Variants in PES1 observed in about 807,000 individuals in gnomAD.
PES1 encodes pescadillo ribosomal biogenesis factor 1, also known as pescadillo homolog.
PES1 carries 31 observed loss-of-function variants against 77.1 expected under a neutral mutation model. The ratio of observed to expected loss-of-function variants is 0.40; its 90% CI spans 0.30 to 0.54. The LOEUF (loss-of-function observed/expected upper bound fraction) is 0.54, where lower values mean the gene tolerates loss of function less well. Among genes scored for constraint, PES1 ranks in the 20% least tolerant of loss-of-function variants. PES1 has a pLI of 0.45. For synonymous variants in PES1, 282 were observed against 303.0 expected, an observed-to-expected ratio of 0.93 and a Z score of 0.72; for missense variants, 658 against 771.7, an observed-to-expected ratio of 0.85 and a Z score of 1.75.
At position 30,587,278 on chromosome 22, in the gene PES1, C is replaced by A. The variant is rs772464884; in HGVS notation, c.368+8G>T. 6.3e-7 allele frequency: 1 copy of A among 1,589,362 alleles called. No individual in the cohort carries two copies. Among genetic ancestry groups the A allele is most frequent in the Non-Finnish European group, 8.6e-7 (1 of 1,158,294 alleles). ...AAACAGCAGTGTCCTGAGGAAAGCC[C>A]GGCTCACCGTTCCTTGATGATGTGG... is the stretch of plus-strand genomic sequence containing the variant. On this transcript the variant is annotated splice_region_variant and intron_variant, in intron 4 of 14. Transcript: ENST00000354694.
At chr22:30,592,093 T>A (rs1294219274), upstream of PES1, 5 of 1,303,672 alleles carry the variant, frequency 3.8e-6, no homozygotes, top group African/African-American at 3.1e-5. Context: ...ACTTTAAGTG[T>A]TAAAACAAAC....
chr22:30,582,419 A>G (rs1156464254), intron 6 of PES1, among the ~76,000 whole-genome samples: 3 of 152,184 alleles, frequency 2.0e-5, no homozygotes, highest in Non-Finnish European at 4.4e-5. Flanking sequence ...CTTTTTGCTC[A>G]GGGAAAAGGC....
chr22:30,588,933 T>C (rs1481338927), intron 2 of PES1, among the ~76,000 whole-genome samples: 2 of 152,154 alleles, frequency 1.3e-5, no homozygotes, highest in African/African-American at 2.4e-5. Flanking sequence ...TTCTACCAGA[T>C]AGGAGGGGAT....
chr22:30,597,867 C>T (rs542177417), intron 2 of PES1, among the ~76,000 whole-genome samples: 9 of 147,634 alleles, frequency 6.1e-5, no homozygotes, highest in Non-Finnish European at 1.0e-4. Flanking sequence ...TTTTTTTCCA[C>T]GCAGTTGAAG....
chr22:30,589,349 G>C (rs2087143694), intron 1 of PES1, 79 bp from the exon 2 acceptor site: 3 of 1,176,480 alleles, frequency 2.5e-6, no homozygotes, highest in South Asian at 2.6e-5. Flanking sequence ...CCTAGTTCCA[G>C]AGGCAACTAT....
Position 30,587,402 on chromosome 22 carries a change from G to A in PES1, c.259-7C>T. The A allele has an allele frequency of 6.2e-7, 1 of 1,605,344 alleles. No homozygotes were observed. Among genetic ancestry groups the A allele is most frequent in the Non-Finnish European group, 8.5e-7 (1 of 1,172,368 alleles). On this transcript the variant is annotated splice_region_variant and splice_polypyrimidine_tract_variant and intron_variant, in intron 3 of 14. Transcript: ENST00000354694. ...GGAGCTTCCGGACGAACACCTGGAA[G>A]AAAGAAAGAAAACACCTCAATGCTG...
rs913193129 is a variant in PES1 at position 30,597,851 on chromosome 22, C to G, written c.-660-5453G>C. 2.7e-5 allele frequency among the ~76,000 whole-genome samples: 4 copies of G among 145,488 alleles called. No individual in the cohort carries two copies. In the South Asian group the frequency reaches 6.7e-4, roughly 24 times the overall value. The stretch of plus-strand genomic sequence containing the variant: ...TGCCCGACTCAGCTGTGGTAACTCG[C>G]TCGGTTTTTTTTCCACGCAGTTGAA... On this transcript the variant is annotated intron_variant, in intron 2 of 16. Transcript: ENST00000402281.
At chr22:30,587,696 A>G (rs2087113031) in intron 3 of PES1, among the ~76,000 whole-genome samples, 1 of 152,214 alleles carries the variant, frequency 6.6e-6, no homozygotes, top group Non-Finnish European at 1.5e-5. Context: ...CCGTTTTTCA[A>G]CTGAGAACAG....
At chr22:30,605,207 C>T (rs1461546328) in intron 2 of PES1, among the ~76,000 whole-genome samples, 1 of 152,144 alleles carries the variant, frequency 6.6e-6, no homozygotes, top group Non-Finnish European at 1.5e-5. Context: ...CACCATCTTG[C>T]CTAGACTGGT....
At position 30,588,009 on chromosome 22, in the gene PES1, C is replaced by T; in HGVS notation, c.258+12G>A. On this transcript the variant is annotated intron_variant, in intron 3 of 14. Transcript: ENST00000354694. ...GATGAGAACCTGACAGACCCTAGAG[C>T]CCAGACCTCACCTTGTATTCACGGA... The T allele has an allele frequency of 6.2e-7, 1 of 1,613,056 alleles. No homozygotes were observed. The highest frequency in any genetic ancestry group is 8.5e-7 in the Non-Finnish European group (1 of 1,179,900).
chr22:30,588,727 G>A (rs767327244), intron 2 of PES1, among the ~76,000 whole-genome samples: 2 of 151,784 alleles, frequency 1.3e-5, no homozygotes, highest in African/African-American at 4.8e-5. Flanking sequence ...AGGTTGCAGT[G>A]AGCTGAGATC....
upstream of PES1, chr22:30,592,152 T>C: frequency 8.6e-7 from 1 of 1,157,370 alleles, no homozygotes. Flanking sequence ...ATTCATTGAC[T>C]GTGAGCCTCG....
At chr22:30,602,105 T>G (rs1012032760) in intron 2 of PES1, among the ~76,000 whole-genome samples, 3 of 152,018 alleles carry the variant, frequency 2.0e-5, no homozygotes, top group African/African-American at 7.3e-5. Flanking sequence ...TGATGTGGTT[T>G]GGCTCTGTGT....
At chr22:30,599,650 A>G (rs1404245268) in intron 2 of PES1, among the ~76,000 whole-genome samples, 1 of 152,222 alleles carries the variant, frequency 6.6e-6, no homozygotes, top group Non-Finnish European at 1.5e-5. Context: ...CTGTAATCCC[A>G]GCACTTTGGG....
chr22:30,585,365 G>A (rs904245229), intron 4 of PES1: 1 of 471,106 alleles, frequency 2.1e-6, no homozygotes, highest in African/African-American at 2.0e-5. Flanking sequence ...GCACTGTGTG[G>A]CTGCCCTGTT....
chr22:30,581,003 AG>A lies in PES1; in HGVS notation c.912+8del. On this transcript the variant is annotated splice_region_variant and intron_variant, in intron 9 of 14. Transcript: ENST00000354694. ...CAGCCCTCCTGCCAGAAGGCAGTGC[AG>A]TGCTCACCCCATCGGTGGGAAACTC... 7 of 1,609,484 alleles carry A rather than the reference AG, an allele frequency of 4.3e-6. No homozygotes were observed. The highest frequency in any genetic ancestry group is 5.9e-6 in the Non-Finnish European group (7 of 1,176,848).
intron 2 of PES1, among the ~76,000 whole-genome samples, chr22:30,598,524 G>A (rs531008711): frequency 6.6e-6 from 1 of 152,304 alleles, no homozygotes; most frequent in Non-Finnish European, 1.5e-5. Flanking sequence ...TGCTTCCCGG[G>A]TTTAGGTGAT....
At chr22:30,586,291 T>G (rs925917137) in intron 4 of PES1, among the ~76,000 whole-genome samples, 16 of 152,304 alleles carry the variant, frequency 1.1e-4, no homozygotes, top group Middle Eastern at 3.4e-3. Flanking sequence ...AAATACCCTC[T>G]GGCCACCCAG....
intron 2 of PES1, among the ~76,000 whole-genome samples, chr22:30,601,327 T>TC (rs1248732101): frequency 6.6e-6 from 1 of 152,180 alleles, no homozygotes; most frequent in African/African-American, 2.4e-5. Flanking sequence ...TAATTTTTTT[T>TC]TTTTTAAGAT....
Sources: allele counts gnomAD v4.1 joint callset (sites outside exome capture counted in the v4.1 genomes callset), GRCh38; gene constraint gnomAD v4.1.1; transcripts MANE v1.5; gene names NCBI Gene and HGNC (gene_info 2026-07-23, HGNC 2026-07-21).